The following GALM variants were observed in gnomAD, a reference collection of about 807,000 sequenced individuals.
GALM encodes the protein galactose mutarotase.
In GALM, 43 loss-of-function variants were observed where a neutral mutation model predicts 37.4. The ratio of observed to expected loss-of-function variants is 1.15; its 90% CI spans 0.90 to 1.48. The LOEUF (loss-of-function observed/expected upper bound fraction) is 1.48. Among genes scored for constraint, GALM ranks in the 40% most tolerant of loss-of-function variants. The probability of loss-of-function intolerance (pLI) is 0.00; values close to 1 mark genes in which losing one functional copy is unlikely to be tolerated. For missense variants in GALM, 456 were observed against 419.1 expected (o/e 1.09, Z -0.77); for synonymous variants, 199 against 170.6 (o/e 1.17, Z -1.30).
rs547382824 is a variant in GALM, at chr2:38,668,045, A to G, written c.190+1694A>G. ...CAACAGATCTTACCCTTTTGGTCCAATCATATTTCTACATGGCTGTCCATG... is the reference window on the plus strand; with the variant it reads ...CAACAGATCTTACCCTTTTGGTCCAGTCATATTTCTACATGGCTGTCCATG... On this transcript the variant is annotated intron_variant, in intron 1 of 6. Transcript: ENST00000272252. 4.6e-5 allele frequency among the ~76,000 whole-genome samples: 7 copies of G among 152,312 alleles called. No individual in the cohort carries two copies. The South Asian group carries it at 1.2e-3, about 27-fold the overall frequency.
intron 4 of GALM, among the ~76,000 whole-genome samples, chr2:38,695,288 G>T (rs1253145282): frequency 6.6e-6 from 1 of 151,972 alleles, no homozygotes; most frequent in Non-Finnish European, 1.5e-5. Flanking sequence ...CAATCTCACA[G>T]CCCAGTCTCA....
chr2:38,677,610 G>T (rs181848714), intron 2 of GALM, among the ~76,000 whole-genome samples: 3 of 152,180 alleles, frequency 2.0e-5, no homozygotes, highest in African/African-American at 7.2e-5. Flanking sequence ...ACAGCACCTC[G>T]TTCTAGCTTG....
chr2:38,732,452 T>C (rs909411289), intron 6 of GALM, among the ~76,000 whole-genome samples: 1 of 152,228 alleles, frequency 6.6e-6, no homozygotes, highest in African/African-American at 2.4e-5. Flanking sequence ...AGCTGAAATT[T>C]TGTACCTTCA....
At chr2:38,680,115 C>T (rs1318593287) in intron 2 of GALM, 4 of 449,082 alleles carry the variant, frequency 8.9e-6, no homozygotes, top group Admixed American at 7.2e-5. Context: ...ACCTCCTGGG[C>T]TCAAGCGATC....
rs1665248253 is a variant in GALM, at chr2:38,675,911, G to T, written c.191-1G>T. The T allele has an allele frequency of 6.2e-7, 1 of 1,613,794 alleles. No individual in the cohort carries two copies. Among genetic ancestry groups the T allele is most frequent in the Non-Finnish European group, 8.5e-7 (1 of 1,179,992 alleles). On this transcript the variant is annotated splice_acceptor_variant, in intron 1 of 6. Transcript: ENST00000272252. LOFTEE classifies it high-confidence loss of function. Reference sequence around the variant, plus strand: ...AGTGCTGTCATCCCTTGTCCTTGCAGGATACCTCCAAAAGCAGCCATACTT... The same window carrying T: ...AGTGCTGTCATCCCTTGTCCTTGCATGATACCTCCAAAAGCAGCCATACTT...
rs145880325 is a variant in GALM at position 38,721,082 on chromosome 2, T to C, written c.635-8474T>C. On this transcript the variant is annotated intron_variant, in intron 4 of 6. Coordinates refer to ENST00000272252, the MANE Select transcript of GALM (RefSeq NM_138801.3). ...GACTACTGTGGCCATCTTTGAAGAA[T>C]GCAATCTGCCACAAGCAGTCATGGG... is the stretch of plus-strand genomic sequence containing the variant. Among the ~76,000 whole-genome samples, 297 of 152,294 alleles carry C rather than the reference T, an allele frequency of 2.0e-3. 1 individual carries two copies. The highest frequency in any genetic ancestry group is 6.6e-3 in the African/African-American group (275 of 41,568).
chr2:38,708,338 C>G (rs1666082765), intron 4 of GALM, among the ~76,000 whole-genome samples: 1 of 151,754 alleles, frequency 6.6e-6, no homozygotes, highest in Non-Finnish European at 1.5e-5. Context: ...AAAAAAGAAT[C>G]CTGGGCCCCA....
chr2:38,686,277 T>TTTCTCTCTTTCTCTCTTTCTC (rs1558582155), intron 3 of GALM, among the ~76,000 whole-genome samples: 2 of 112,352 alleles, frequency 1.8e-5, no homozygotes, highest in Non-Finnish European at 3.6e-5. Context: ...TCTTTCTTTC[T>TTTCTCTCTTTCTCTCTTTCTC]TATTTTGAGA....
chr2:38,718,845 G>C (rs1424984226), intron 4 of GALM, among the ~76,000 whole-genome samples: 1 of 151,808 alleles, frequency 6.6e-6, no homozygotes, highest in Non-Finnish European at 1.5e-5. Context: ...GGGCCACCAG[G>C]CAGGGGAAAA....
intron 1 of GALM, among the ~76,000 whole-genome samples, chr2:38,675,526 GTTTT>G (rs869119386): frequency 0.026 from 1,959 of 74,154 alleles, 76 homozygotes; most frequent in African/African-American, 0.088. Context: ...GGGTTTTTTT[GTTTT>G]TTTTTTTTTT....
chr2:38,698,479 C>G, intron 4 of GALM: 1 of 1,038,938 alleles, frequency 9.6e-7, no homozygotes, highest in Non-Finnish European at 1.3e-6. Flanking sequence ...GTTAATTTAG[C>G]TCTGCGTCTT....
At chr2:38,703,242 G>A (rs1162613992) in intron 4 of GALM, among the ~76,000 whole-genome samples, 1 of 147,992 alleles carries the variant, frequency 6.8e-6, no homozygotes, top group Admixed American at 6.8e-5. Context: ...CAAGTAGGTG[G>A]GATTACAGGT....
In GALM at chr2:38,702,023, G is replaced by A. The variant is rs572701715; in HGVS notation, c.634+12129G>A. ...AGCATTTCTCAAATCTGTCTCCTCAGTATGTATTGTTGGTTATATAACTCC... is the reference window on the plus strand; with the variant it reads ...AGCATTTCTCAAATCTGTCTCCTCAATATGTATTGTTGGTTATATAACTCC... On this transcript the variant is annotated intron_variant, in intron 4 of 6. Coordinates refer to ENST00000272252, the MANE Select transcript of GALM (RefSeq NM_138801.3). 2.6e-5 allele frequency among the ~76,000 whole-genome samples: 4 copies of A among 152,100 alleles called. No individual in the cohort carries two copies. The South Asian group carries it at 8.3e-4, about 32-fold the overall frequency.
chr2:38,717,982 G>A (rs1409077497), intron 4 of GALM, among the ~76,000 whole-genome samples: 1 of 150,006 alleles, frequency 6.7e-6, no homozygotes, highest in Non-Finnish European at 1.5e-5. Flanking sequence ...CTACAGGCAC[G>A]CACCACCATG....
At chr2:38,675,535 T>TG (rs1665230525) in intron 1 of GALM, among the ~76,000 whole-genome samples, 3 of 95,492 alleles carry the variant, frequency 3.1e-5, no homozygotes, top group African/African-American at 1.5e-4. Flanking sequence ...TGTTTTTTTT[T>TG]TTTTTTTTTG....
chr2:38,692,650 C>T (rs1296228544), intron 4 of GALM, among the ~76,000 whole-genome samples: 4 of 152,182 alleles, frequency 2.6e-5, no homozygotes, highest in Non-Finnish European at 5.9e-5. Context: ...TGCTGCTGGG[C>T]TCTCTAGGAG....
chr2:38,705,622 A>G (rs1008851976), intron 4 of GALM, among the ~76,000 whole-genome samples: 1 of 152,170 alleles, frequency 6.6e-6, no homozygotes, highest in Non-Finnish European at 1.5e-5. Flanking sequence ...AGTGGTGATG[A>G]CTGTTAAGCC....
chr2:38,696,853 G>A lies in GALM; in HGVS notation c.634+6959G>A, dbSNP rs530341481. Reference sequence around the variant, plus strand: ...CAACCAGGCTGGAGTGCAGTGGCGCGATCTCAGCTCACTGTAACCTCTGCC... The same window carrying A: ...CAACCAGGCTGGAGTGCAGTGGCGCAATCTCAGCTCACTGTAACCTCTGCC... On this transcript the variant is annotated intron_variant, in intron 4 of 6. Coordinates refer to ENST00000272252, the MANE Select transcript of GALM (RefSeq NM_138801.3). 2.9e-3 allele frequency among the ~76,000 whole-genome samples: 411 copies of A among 140,810 alleles called. 2 individuals carry two copies. The highest frequency in any genetic ancestry group is 4.5e-3 in the Non-Finnish European group (300 of 66,132). 92.4% of individuals were successfully genotyped at this position (140,810 alleles called of 152,430 possible).
intron 4 of GALM, among the ~76,000 whole-genome samples, chr2:38,711,156 G>A (rs958573823): frequency 3.5e-5 from 5 of 142,342 alleles, no homozygotes; most frequent in Non-Finnish European, 7.6e-5. Flanking sequence ...CCTCATTACA[G>A]ATAGCCTTTT....
Sources: gnomAD v4.1 joint callset for allele counts (sites outside exome capture counted in the v4.1 genomes callset) on GRCh38, gnomAD v4.1.1 for gene constraint, MANE v1.5 for transcripts, NCBI Gene and HGNC (gene_info 2026-07-23, HGNC 2026-07-21) for gene names.